Variants in WSCD2 observed in about 807,000 individuals in gnomAD.
WSCD2 encodes WSC domain sialate O sulfotransferase 2, also known as sialate:O-sulfotransferase 2.
Under a neutral mutation model 55.7 loss-of-function variants are expected in WSCD2, and 28 were observed. The ratio of observed to expected loss-of-function variants is 0.50; its 90% CI spans 0.37 to 0.69. The LOEUF (loss-of-function observed/expected upper bound fraction) is 0.69, where lower values mean the gene tolerates loss of function less well. WSCD2 is among the 30% of genes least tolerant of loss of function. The pLI, the probability that WSCD2 is intolerant of heterozygous loss-of-function variation, is 0.00. For missense variants in WSCD2, 616 were observed against 762.1 expected (o/e 0.81, Z 2.26); for synonymous variants, 301 against 301.9 (o/e 1.00, Z 0.03).
Position 108,187,725 on chromosome 12 carries a change from C to T in WSCD2, c.-551-7557C>T, listed in dbSNP as rs188789822. The stretch of plus-strand genomic sequence containing the variant: ...TTTTAAAAACAGTAGCTCATTTAAC[C>T]CTCCTACCTTTCCAATGAGGCAGGG... On this transcript the variant is annotated intron_variant, in intron 1 of 8. Coordinates refer to ENST00000547525, the MANE Select transcript of WSCD2 (RefSeq NM_014653.4). Among the ~76,000 whole-genome samples the T allele has an allele frequency of 3.3e-3, 498 of 152,242 alleles. 3 individuals carry two copies. The highest frequency in any genetic ancestry group is 0.011 in the African/African-American group (460 of 41,524).
chr12:108,176,725 C>G (rs1277451089), intron 1 of WSCD2, among the ~76,000 whole-genome samples: 1 of 152,152 alleles, frequency 6.6e-6, no homozygotes, highest in Non-Finnish European at 1.5e-5. Context: ...GGCAGTATAC[C>G]TTTTCACATT....
chr12:108,145,022 G>A (rs939879017), intron 1 of WSCD2, among the ~76,000 whole-genome samples: 3 of 152,156 alleles, frequency 2.0e-5, no homozygotes, highest in Non-Finnish European at 4.4e-5. Flanking sequence ...GCATCCATGA[G>A]CACCAAGGAT....
At chr12:108,169,180 C>T (rs576055195) in intron 1 of WSCD2, among the ~76,000 whole-genome samples, 2 of 152,222 alleles carry the variant, frequency 1.3e-5, no homozygotes, top group East Asian at 1.9e-4. Flanking sequence ...CAGATGGGGC[C>T]GTCTAGTTGC....
chr12:108,186,845 C>T (rs1207219846), intron 1 of WSCD2, among the ~76,000 whole-genome samples: 2 of 152,094 alleles, frequency 1.3e-5, no homozygotes, highest in Admixed American at 6.5e-5. Context: ...TAAGAAGAGA[C>T]AAATGAAAAG....
chr12:108,221,949 A>G (rs1005865426), intron 4 of WSCD2, among the ~76,000 whole-genome samples: 9 of 152,174 alleles, frequency 5.9e-5, no homozygotes, highest in African/African-American at 2.2e-4. Context: ...AGTCTGGGGG[A>G]TGCCTTGGAA....
intron 1 of WSCD2, among the ~76,000 whole-genome samples, chr12:108,143,387 C>G (rs1877057406): frequency 6.6e-6 from 1 of 151,900 alleles, no homozygotes; most frequent in African/African-American, 2.4e-5. Flanking sequence ...GAATTACTGT[C>G]TGTGGCTTCC....
At chr12:108,142,884 G>T (rs1876987321) in intron 1 of WSCD2, among the ~76,000 whole-genome samples, 1 of 151,988 alleles carries the variant, frequency 6.6e-6, no homozygotes, top group Non-Finnish European at 1.5e-5. Flanking sequence ...TGCTGTCAAA[G>T]CTCACTGCCT....
At chr12:108,169,204 C>T (rs1019785142) in intron 1 of WSCD2, among the ~76,000 whole-genome samples, 1 of 152,194 alleles carries the variant, frequency 6.6e-6, no homozygotes, top group Non-Finnish European at 1.5e-5. Flanking sequence ...AAAACAAGTT[C>T]AGGGATCCCA....
chr12:108,180,962 C>G (rs1454027212), intron 1 of WSCD2, among the ~76,000 whole-genome samples: 1 of 152,242 alleles, frequency 6.6e-6, no homozygotes, highest in African/African-American at 2.4e-5. Flanking sequence ...AAACCCAGCT[C>G]AGAGAGGCTG....
At position 108,129,834 on chromosome 12, in the gene WSCD2, G is replaced by A. The variant is rs1381744389; in HGVS notation, c.-644G>A. On this transcript the variant is annotated 5_prime_UTR_variant, in exon 1 of 9. Transcript: ENST00000547525. ...AGCTGGGAAGGCGCCCACAGAGCGG[G>A]CGCGCCAAGCGGGACGCGGGAGTCG... The A allele has an allele frequency of 6.6e-6, 1 of 152,248 alleles. No individual in the cohort carries two copies. Among genetic ancestry groups the A allele is most frequent in the Non-Finnish European group, 1.5e-5 (1 of 68,084 alleles). The allele number at this position is 152,248 out of a possible 1,614,324, so 9.4% of individuals were successfully genotyped here. A position where few individuals can be genotyped will look rare whatever the true frequency, so the allele number is the denominator to read the frequency against.
At chr12:108,212,373 T>C (rs1886305012) in intron 4 of WSCD2, among the ~76,000 whole-genome samples, 1 of 152,198 alleles carries the variant, frequency 6.6e-6, no homozygotes, top group South Asian at 2.1e-4. Context: ...TGGATGAAGC[T>C]GAGACAGATA....
intron 1 of WSCD2, among the ~76,000 whole-genome samples, chr12:108,190,585 T>C (rs1009766577): frequency 6.6e-5 from 10 of 152,172 alleles, no homozygotes; most frequent in African/African-American, 2.4e-4. Flanking sequence ...GCTATGCCTC[T>C]GTTTTTCTTT....
At chr12:108,229,699 G>A (rs1888522441) in intron 6 of WSCD2, among the ~76,000 whole-genome samples, 1 of 152,132 alleles carries the variant, frequency 6.6e-6, no homozygotes, top group African/African-American at 2.4e-5. Flanking sequence ...AATGTATGGG[G>A]CTTAGGAACC....
rs537120527 is a variant in WSCD2 at position 108,210,273 on chromosome 12, G to T, written c.650G>T (p.Arg217Leu). The T allele has an allele frequency of 3.1e-6, 5 of 1,602,936 alleles. No individual in the cohort carries two copies. In the South Asian group the frequency reaches 4.5e-5, roughly 14 times the overall value. ...GGCGCCAACCGCCTCTCTGTCTACC[G>T]GCTGCAGCTGGCCCAGGAGTCGGCC... Reference protein sequence around the residue: ...CGGANRLSVYRLQLAQESARR... With the variant: ...CGGANRLSVYLLQLAQESARR... The change falls in exon 4 of 9, where the codon CGG becomes CTG. Residue 217 changes from arginine to leucine, a missense_variant. Physicochemically the swap from Arg to Leu is moderately radical, Grantham distance 102. Coordinates refer to ENST00000547525, the MANE Select transcript of WSCD2 (RefSeq NM_014653.4). This position sits in a 1 kb window ranked among gnomAD's most constrained non-coding sequence, Gnocchi z 4.3.
intron 1 of WSCD2, among the ~76,000 whole-genome samples, chr12:108,172,591 A>C (rs1880352084): frequency 1.4e-5 from 2 of 146,342 alleles, no homozygotes; most frequent in African/African-American, 4.9e-5. Flanking sequence ...ACACACAGAG[A>C]GAATGCCACG....
intron 1 of WSCD2, among the ~76,000 whole-genome samples, chr12:108,173,810 C>CTCTCTGTG (rs376999073): frequency 0.07 from 9,152 of 131,150 alleles, 398 homozygotes; most frequent in East Asian, 0.14. Context: ...TCCTGGCTCT[C>CTCTCTGTG]TGTGTGTGTG....
chr12:108,233,117 T>C (rs1028994781), intron 7 of WSCD2: 6 of 518,324 alleles, frequency 1.2e-5, no homozygotes, highest in African/African-American at 1.9e-5. Flanking sequence ...CTAGCATCCA[T>C]TCAATAATTG....
At position 108,228,565 on chromosome 12, in the gene WSCD2, T is replaced by C. The variant is rs966213938; in HGVS notation, c.979+1401T>C. ...CCTTCTCATTTCCCAGTCACCAAGC[T>C]GCCATATGTGGTAGAGCAGGTTGAG... On this transcript the variant is annotated intron_variant, in intron 6 of 8. Transcript: ENST00000547525. Among the ~76,000 whole-genome samples, 84 of 152,340 alleles carry C rather than the reference T, an allele frequency of 5.5e-4. 1 individual carries two copies. Among genetic ancestry groups the C allele is most frequent in the African/African-American group, 1.9e-3 (78 of 41,576 alleles).
At chr12:108,240,894 A>G (rs1344341502) in intron 8 of WSCD2, among the ~76,000 whole-genome samples, 1 of 152,214 alleles carries the variant, frequency 6.6e-6, no homozygotes. Context: ...ACATGGCCCC[A>G]TCTATAAAGT....
Sources: gnomAD v4.1 joint callset for allele counts (sites outside exome capture counted in the v4.1 genomes callset) on GRCh38, gnomAD v4.1.1 for gene constraint, Gnocchi (gnomAD v3.1) non-coding constraint, MANE v1.5 for transcripts, NCBI Gene and HGNC (gene_info 2026-07-23, HGNC 2026-07-21) for gene names.